JMY: variants seen among roughly 807,000 people sequenced by gnomAD.
JMY encodes the protein junction mediating and regulatory protein, p53 cofactor, also known as junction-mediating and -regulatory protein.
Under a neutral mutation model 103.3 loss-of-function variants are expected in JMY, and 46 were observed. The ratio of observed to expected loss-of-function variants is 0.45; its 90% CI spans 0.35 to 0.57. The LOEUF (loss-of-function observed/expected upper bound fraction) is 0.57, where lower values mean the gene tolerates loss of function less well. JMY is among the 20% of genes least tolerant of loss of function. JMY has a pLI of 0.00. For missense variants in JMY, 1,238 were observed against 1,255.2 expected (o/e 0.99, Z 0.21); for synonymous variants, 526 against 489.3 (o/e 1.07, Z -0.99).
intron 9 of JMY, 88 bp from the exon 10 acceptor site, chr5:79,315,912 T>C: frequency 9.0e-7 from 1 of 1,116,272 alleles, no homozygotes; most frequent in East Asian, 2.4e-5. Flanking sequence ...TCCTGTGCTT[T>C]CACAGTTGCG....
At chr5:79,311,151 T>C (rs78965476) in intron 7 of JMY, among the ~76,000 whole-genome samples, 1 of 137,948 alleles carries the variant, frequency 7.2e-6, no homozygotes, top group African/African-American at 2.8e-5. Flanking sequence ...ACACCTTCTT[T>C]TTTTTTTTTT....
intron 7 of JMY, among the ~76,000 whole-genome samples, chr5:79,307,396 C>T (rs976834101): frequency 2.6e-5 from 4 of 152,142 alleles, no homozygotes; most frequent in Admixed American, 6.5e-5. Flanking sequence ...TTTTCCACAT[C>T]CTCTATAGCA....
intron 1 of JMY, among the ~76,000 whole-genome samples, chr5:79,260,771 TAGC>T (rs368800515): frequency 2.1e-3 from 320 of 151,940 alleles, no homozygotes; most frequent in African/African-American, 7.5e-3. Context: ...AAGTAATAAT[TAGC>T]AGGAATAATA....
At chr5:79,316,358 T>C in intron 10 of JMY, 48 bp downstream of exon 10, 1 of 1,402,318 alleles carries the variant, frequency 7.1e-7, no homozygotes, top group Non-Finnish European at 9.8e-7. Context: ...ACAGGTTTTA[T>C]ATCGGATGAT....
Position 79,326,944 on chromosome 5 carries a change from A to G in JMY, c.*5342A>G, listed in dbSNP as rs1197302963. The stretch of plus-strand genomic sequence containing the variant: ...AAAGTATTAAAAGTACAGAGGAAAA[A>G]CTAAGCAAGCATTTATAGCAATACC... On this transcript the variant is annotated 3_prime_UTR_variant, in exon 11 of 11. Transcript: ENST00000396137. 2.0e-5 allele frequency: 3 copies of G among 152,220 alleles called. No homozygotes were observed. Among genetic ancestry groups the G allele is most frequent in the Non-Finnish European group, 2.9e-5 (2 of 68,024 alleles). 9.4% of individuals were successfully genotyped at this position (152,220 alleles called of 1,614,324 possible).
At chr5:79,316,387 T>C in intron 10 of JMY, 77 bp downstream of exon 10, 1 of 1,143,642 alleles carries the variant, frequency 8.7e-7, no homozygotes. Flanking sequence ...GGGTATTTTT[T>C]ATTGAGCCTG....
intron 1 of JMY, among the ~76,000 whole-genome samples, chr5:79,248,795 C>T (rs1317372292): frequency 2.6e-5 from 4 of 152,038 alleles, no homozygotes; most frequent in African/African-American, 4.8e-5. Context: ...GTTCTGTCAG[C>T]GCAGGCTGGA....
In JMY at chr5:79,278,107, A is replaced by G. The variant is rs201429803; in HGVS notation, c.1206+24A>G. On this transcript the variant is annotated intron_variant, in intron 2 of 10. Transcript: ENST00000396137. Reference sequence around the variant, plus strand: ...AGGTATTTTTTTATTAATCCTAACTAGTAGCCTGCCTGTTTCATAGTTCTC... The same window carrying G: ...AGGTATTTTTTTATTAATCCTAACTGGTAGCCTGCCTGTTTCATAGTTCTC... 12 of 1,573,926 alleles carry G rather than the reference A, an allele frequency of 7.6e-6. No homozygotes were observed. In the East Asian group the frequency reaches 1.8e-4, roughly 24 times the overall value.
intron 2 of JMY, chr5:79,284,050 T>TTCTC: frequency 2.1e-6 from 2 of 973,498 alleles, no homozygotes; most frequent in Middle Eastern, 6.5e-4. Flanking sequence ...ACAAATTACT[T>TTCTC]TCTTTTTTTT....
intron 1 of JMY, among the ~76,000 whole-genome samples, chr5:79,255,900 G>T (rs963621746): frequency 6.6e-6 from 1 of 152,208 alleles, no homozygotes; most frequent in Non-Finnish European, 1.5e-5. Flanking sequence ...CACAGCACTG[G>T]GTCTCCCCCA....
At chr5:79,255,136 T>TTTTTTTTTTTTTG (rs1745201589) in intron 1 of JMY, among the ~76,000 whole-genome samples, 1 of 151,422 alleles carries the variant, frequency 6.6e-6, no homozygotes, top group Non-Finnish European at 1.5e-5. Context: ...TCCTTTTTTT[T>TTTTTTTTTTTTTG]GAGACAGGGT....
At chr5:79,317,852 T>C (rs1169055293) in intron 10 of JMY, among the ~76,000 whole-genome samples, 2 of 152,012 alleles carry the variant, frequency 1.3e-5, no homozygotes, top group African/African-American at 4.8e-5. Context: ...GGGCTAATTT[T>C]TTAATTTCTT....
Position 79,237,640 on chromosome 5 carries a change from CTACGA to C in JMY, c.991_995del (p.Tyr331ArgfsTer16). The C allele has an allele frequency of 5.0e-6, 8 of 1,613,688 alleles. No homozygotes were observed. The highest frequency in any genetic ancestry group is 6.8e-6 in the Non-Finnish European group (8 of 1,179,932). On this transcript the variant is annotated frameshift_variant, in exon 1 of 11. Coordinates refer to ENST00000396137, the MANE Select transcript of JMY (RefSeq NM_152405.5). LOFTEE classifies it high-confidence loss of function. ...GCCTCAGCGAGCTGCGGCAGAAGGG[CTACGA>C]AGAAGTGCTTCAGCGGGCCAGGAAG...
At chr5:79,259,620 T>G (rs1194305496) in intron 1 of JMY, among the ~76,000 whole-genome samples, 1 of 152,204 alleles carries the variant, frequency 6.6e-6, no homozygotes, top group Non-Finnish European at 1.5e-5. Flanking sequence ...CTCTCTTCTG[T>G]GCTCATTGGT....
chr5:79,269,685 G>T (rs1360489874), intron 1 of JMY, among the ~76,000 whole-genome samples: 1 of 151,834 alleles, frequency 6.6e-6, no homozygotes, highest in Non-Finnish European at 1.5e-5. Flanking sequence ...TGTGCTAATA[G>T]AAATAACATT....
At chr5:79,268,729 C>G (rs1426076396) in intron 1 of JMY, among the ~76,000 whole-genome samples, 1 of 152,082 alleles carries the variant, frequency 6.6e-6, no homozygotes, top group African/African-American at 2.4e-5. Flanking sequence ...ACCTTATGAT[C>G]CACCCGCCTC....
Position 79,237,692 on chromosome 5 carries a change from T to C in JMY, c.1032+10T>C, listed in dbSNP as rs769324072. On this transcript the variant is annotated intron_variant, in intron 1 of 10. Transcript: ENST00000396137. ...GAAGCGCATCCAGGAGGTGAGTGAG[T>C]GAGCTCCTAGTCTGGGCTCTACTGG... is the stretch of plus-strand genomic sequence containing the variant. 5.0e-6 allele frequency: 8 copies of C among 1,607,058 alleles called. No homozygotes were observed. The East Asian group carries it at 6.7e-5, about 13-fold the overall frequency.
intron 1 of JMY, among the ~76,000 whole-genome samples, chr5:79,267,550 G>A (rs1336412568): frequency 6.6e-6 from 1 of 152,160 alleles, no homozygotes; most frequent in African/African-American, 2.4e-5. Flanking sequence ...TCTTTTTGCA[G>A]CTTGATAGTT....
In JMY at chr5:79,290,225, A is replaced by G; in HGVS notation, c.1311A>G (p.Gln437=). 1.3e-6 allele frequency: 2 copies of G among 1,561,212 alleles called. No homozygotes were observed. The highest frequency in any genetic ancestry group is 1.7e-6 in the Non-Finnish European group (2 of 1,150,820). Reference sequence around the variant, plus strand: ...CTCACATGGCTGTACTGTCTATTCAAGATCTTACTGTCAAGTACTTTGAAA... The same window carrying G: ...CTCACATGGCTGTACTGTCTATTCAGGATCTTACTGTCAAGTACTTTGAAA... ...RKAHMAVLSI[Q]DLTVKYFEIT... Residue 437 remains glutamine, a synonymous_variant, in exon 3 of 11, where the codon CAA becomes CAG. Transcript: ENST00000396137.
Sources: allele counts gnomAD v4.1 joint callset (sites outside exome capture counted in the v4.1 genomes callset), GRCh38; gene constraint gnomAD v4.1.1; transcripts MANE v1.5; gene names NCBI Gene and HGNC (gene_info 2026-07-23, HGNC 2026-07-21).